CLCN1: variants seen among roughly 807,000 people sequenced by gnomAD.
The protein encoded by CLCN1 is chloride channel protein 1.
CLCN1 carries 100 observed loss-of-function variants against 114.5 expected under a neutral mutation model. That is an observed-to-expected ratio of 0.87 (90% CI 0.74 to 1.03). The LOEUF is 1.03. Ranked by LOEUF, CLCN1 falls within the 50% of genes least tolerant of loss-of-function variation. The pLI is 0.00. For synonymous variants in CLCN1, 485 were observed against 487.1 expected, an observed-to-expected ratio of 1.00 and a Z score of 0.06; for missense variants, 1,188 against 1,250.0, an observed-to-expected ratio of 0.95 and a Z score of 0.75.
chr7:143,337,084 T>C (rs1269099490), intron 12 of CLCN1, among the ~76,000 whole-genome samples: 2 of 152,216 alleles, frequency 1.3e-5, no homozygotes, highest in African/African-American at 2.4e-5. Context: ...TAGCTTCCAG[T>C]GGGGTCTGGT....
intron 10 of CLCN1, among the ~76,000 whole-genome samples, 171 bp downstream of exon 10, chr7:143,331,823 A>C: frequency 6.6e-6 from 1 of 152,074 alleles, no homozygotes; most frequent in East Asian, 1.9e-4. Context: ...TCCCATTTAA[A>C]GATTATTTTT....
chr7:143,337,807 CTTT>C (rs869078445), intron 12 of CLCN1, among the ~76,000 whole-genome samples: 2 of 46,078 alleles, frequency 4.3e-5, no homozygotes, highest in Non-Finnish European at 8.0e-5. Flanking sequence ...TTTCTCAATT[CTTT>C]TTTTTTTTTT....
chr7:143,320,913 G>T, intron 3 of CLCN1, 118 bp downstream of exon 3: 2 of 1,241,628 alleles, frequency 1.6e-6, no homozygotes, highest in South Asian at 2.4e-5. Context: ...CGAATATTGC[G>T]CAGAGAGGGA....
rs761510529 is a variant in CLCN1, at chr7:143,350,554, C to G, written c.2509-14C>G. The G allele has an allele frequency of 9.9e-6, 16 of 1,613,086 alleles. No individual in the cohort carries two copies. In the Admixed American group the frequency reaches 2.5e-4, roughly 25 times the overall value. On this transcript the variant is annotated splice_polypyrimidine_tract_variant and intron_variant, in intron 21 of 22. Coordinates refer to ENST00000343257, the MANE Select transcript of CLCN1 (RefSeq NM_000083.3). This position sits in a 1 kb window ranked among gnomAD's most constrained non-coding sequence, Gnocchi z 5.1. Reference sequence around the variant, plus strand: ...GGCAAGGAACATGCACTGACCTGTGCTCTTCATCCTCAGACTCATACCCTG... The same window carrying G: ...GGCAAGGAACATGCACTGACCTGTGGTCTTCATCCTCAGACTCATACCCTG...
intron 20 of CLCN1, among the ~76,000 whole-genome samples, chr7:143,349,637 A>C (rs780351205): frequency 6.6e-6 from 1 of 152,226 alleles, no homozygotes; most frequent in Non-Finnish European, 1.5e-5. Context: ...ACAAACAAAA[A>C]CTGGCTTTGC....
rs912637135 is a variant in CLCN1 at position 143,324,557 on chromosome 7, T to C, written c.853+65T>C. ...GGCCTGGCTCCCAAAACAGTTTTAA[T>C]CAGTATCCACAAGTGCTGGTATTAC... On this transcript the variant is annotated intron_variant, in intron 7 of 22. Transcript: ENST00000343257. The surrounding 1 kb of genome is among the most constrained non-coding windows in gnomAD (Gnocchi z 4.6). The C allele has an allele frequency of 9.8e-5, 122 of 1,242,112 alleles. No individual in the cohort carries two copies. Among genetic ancestry groups the C allele is most frequent in the Non-Finnish European group, 1.4e-4 (117 of 842,800 alleles). 76.9% of individuals were successfully genotyped at this position (1,242,112 alleles called of 1,614,324 possible). A position where few individuals can be genotyped will look rare whatever the true frequency, so the allele number is the denominator to read the frequency against.
chr7:143,321,393 G>C lies in CLCN1; in HGVS notation c.462G>C (p.Gln154His), dbSNP rs771642243. ...ACAAGTGGTCCTACGCGCAGATGCA[G>C]CCCAGCCTTCCTCTGCAGTTCCTGG... ...QAYKWSYAQMQPSLPLQFLVW... is the reference protein window; with the variant it reads ...QAYKWSYAQMHPSLPLQFLVW... Residue 154 changes from glutamine to histidine, a missense_variant, in exon 4 of 23, where the codon CAG (glutamine) becomes CAC (histidine). By Grantham distance (24) the Gln-to-His change is conservative (BLOSUM62 0). Coordinates refer to ENST00000343257, the MANE Select transcript of CLCN1 (RefSeq NM_000083.3). The surrounding 1 kb of genome is among the most constrained non-coding windows in gnomAD (Gnocchi z 4.2). The C allele has an allele frequency of 3.7e-6, 6 of 1,614,218 alleles. No homozygotes were observed. In the South Asian group the frequency reaches 6.6e-5, roughly 18 times the overall value.
intron 12 of CLCN1, among the ~76,000 whole-genome samples, chr7:143,335,734 A>G (rs1462368173): frequency 2.1e-5 from 3 of 142,764 alleles, no homozygotes; most frequent in Non-Finnish European, 4.5e-5. Context: ...ATCTCGGCTC[A>G]CTGCAAGCTC....
Position 143,330,879 on chromosome 7 carries a change from G to C in CLCN1, c.961G>C (p.Val321Leu). 1 of 1,614,220 alleles carries C rather than the reference G, an allele frequency of 6.2e-7. No individual in the cohort carries two copies. The highest frequency in any genetic ancestry group is 8.5e-7 in the Non-Finnish European group (1 of 1,180,048). ...FSAFVFRVLA[V>L]WNKDAVTITA... ...CGCCTTTGTGTTTCGAGTGCTGGCA[G>C]TGTGGAACAAGGATGCTGGTAACCA... Residue 321 changes from valine to leucine, a missense_variant, in exon 8 of 23, where the codon GTG (valine) becomes CTG (leucine). Transcript: ENST00000343257.
chr7:143,332,488 A>C lies in CLCN1; in HGVS notation c.1236A>C (p.Gln412His). The change falls in exon 11 of 23, where the codon CAA becomes CAC. Residue 412 changes from glutamine (Q) to histidine (H), a missense_variant. Physicochemically the swap from Gln to His is conservative, Grantham distance 24. Transcript: ENST00000343257. ...ASFTFPPGMG[Q>H]FMAGELMPRE... ...TCACCTTCCCACCAGGAATGGGTCAATTCATGGCTGGAGAGGTCAGCTGTT... is the reference window on the plus strand; with the variant it reads ...TCACCTTCCCACCAGGAATGGGTCACTTCATGGCTGGAGAGGTCAGCTGTT... 1 of 1,613,932 alleles carries C rather than the reference A, an allele frequency of 6.2e-7. No homozygotes were observed. The highest frequency in any genetic ancestry group is 8.5e-7 in the Non-Finnish European group (1 of 1,179,780).
Position 143,350,395 on chromosome 7 carries a change from G to A in CLCN1, c.2427G>A (p.Gln809=), listed in dbSNP as rs1470771783. ...PEEIEAWEQE[Q]LSQPVCFDSC... is the part of the protein sequence containing the mutation. Reference sequence around the variant, plus strand: ...AGATTGAGGCCTGGGAGCAGGAGCAGCTGAGCCAGCCTGTCTGTTTTGATT... The same window carrying A: ...AGATTGAGGCCTGGGAGCAGGAGCAACTGAGCCAGCCTGTCTGTTTTGATT... Residue 809 remains glutamine (Q), a synonymous_variant, in exon 21 of 23, where the codon CAG becomes CAA. Transcript: ENST00000343257. The surrounding 1 kb of genome is among the most constrained non-coding windows in gnomAD (Gnocchi z 5.1). The A allele has an allele frequency of 6.2e-7, 1 of 1,614,070 alleles. No homozygotes were observed. Among genetic ancestry groups the A allele is most frequent in the South Asian group, 1.1e-5 (1 of 91,066 alleles).
At position 143,320,902 on chromosome 7, in the gene CLCN1, G is replaced by A. The variant is rs950245352; in HGVS notation, c.433+107G>A. 6 of 1,335,508 alleles carry A rather than the reference G, an allele frequency of 4.5e-6. No individual in the cohort carries two copies. The African/African-American group carries it at 5.8e-5, about 13-fold the overall frequency. The allele number at this position is 1,335,508 out of a possible 1,614,324, so 82.7% of individuals were successfully genotyped here. ...TGTTAAGCAGGGTGTGTTATGGGAAGCGAATATTGCGCAGAGAGGGATCAG... is the reference window on the plus strand; with the variant it reads ...TGTTAAGCAGGGTGTGTTATGGGAAACGAATATTGCGCAGAGAGGGATCAG... On this transcript the variant is annotated intron_variant, in intron 3 of 22. Transcript: ENST00000343257.
rs199928109 is a variant in CLCN1 at position 143,335,656 on chromosome 7, G to GTTTTTTT, written c.1401+2787_1401+2788insTTTTTTT. On this transcript the variant is annotated intron_variant, in intron 12 of 22. Transcript: ENST00000343257. ...GGCAGGTAAGATTCTCAATTCAGCT[G>GTTTTTTT]TTTTGTTTTTTTTTTTTTTTTGATT... 1.4e-3 allele frequency among the ~76,000 whole-genome samples: 149 copies of GTTTTTTT among 107,192 alleles called. 22 individuals are homozygous for GTTTTTTT. The Middle Eastern group carries it at 0.017, about 12-fold the overall frequency. 70.3% of individuals were successfully genotyped at this position (107,192 alleles called of 152,430 possible). A position where few individuals can be genotyped will look rare whatever the true frequency, so the allele number is the denominator to read the frequency against.
chr7:143,348,357 G>T (rs1452686588), intron 20 of CLCN1, among the ~76,000 whole-genome samples: 7 of 152,092 alleles, frequency 4.6e-5, no homozygotes, highest in South Asian at 2.1e-4. Context: ...AATAAGTTTT[G>T]CTTTTTTTCT....
chr7:143,342,117 C>T lies in CLCN1; in HGVS notation c.1771C>T (p.Pro591Ser). The T allele has an allele frequency of 1.9e-6, 3 of 1,614,182 alleles. No homozygotes were observed. Among genetic ancestry groups the T allele is most frequent in the Non-Finnish European group, 2.5e-6 (3 of 1,180,040 alleles). ...IIQVKKLPYLPDLGWNQLSKY... is the reference protein window; with the variant it reads ...IIQVKKLPYLSDLGWNQLSKY... ...CCAGGTCAAGAAGCTACCCTACTTG[C>T]CTGACCTTGGCTGGAACCAGCTCAG... Residue 591 changes from proline (P) to serine (S), a missense_variant, in exon 15 of 23, where the codon CCT becomes TCT. Physicochemically the swap from Pro to Ser is moderately conservative, Grantham distance 74 (BLOSUM62 -1). Transcript: ENST00000343257.
chr7:143,350,740 C>A lies in CLCN1; in HGVS notation c.2595+86C>A. 1 of 957,018 alleles carries A rather than the reference C, an allele frequency of 1.0e-6. No homozygotes were observed. The highest frequency in any genetic ancestry group is 1.7e-6 in the Non-Finnish European group (1 of 594,254). The allele number at this position is 957,018 out of a possible 1,614,324, so 59.3% of individuals were successfully genotyped here. Reference sequence around the variant, plus strand: ...GCAGTGGGGACAGAAGGAATATTAGCATCTCAGAAGTCCCCTCAGATTCCC... The same window carrying A: ...GCAGTGGGGACAGAAGGAATATTAGAATCTCAGAAGTCCCCTCAGATTCCC... On this transcript the variant is annotated intron_variant, in intron 22 of 22. Coordinates refer to ENST00000343257, the MANE Select transcript of CLCN1 (RefSeq NM_000083.3). This position sits in a 1 kb window ranked among gnomAD's most constrained non-coding sequence, Gnocchi z 5.1.
intron 16 of CLCN1, among the ~76,000 whole-genome samples, chr7:143,343,687 C>T (rs1030839782): frequency 1.4e-5 from 2 of 147,636 alleles, no homozygotes; most frequent in Non-Finnish European, 3.0e-5. Context: ...AGAGTTGGAA[C>T]TGTTTTCTTT....
In CLCN1 at chr7:143,351,691, G is replaced by C; in HGVS notation, c.2693G>C (p.Gly898Ala). 6.2e-7 allele frequency: 1 copy of C among 1,614,160 alleles called. No individual in the cohort carries two copies. The change falls in exon 23 of 23, where the codon GGG becomes GCG. Residue 898 changes from glycine (G) to alanine (A), a missense_variant. Physicochemically the swap from Gly to Ala is moderately conservative, Grantham distance 60. Transcript: ENST00000343257. ...ACGACTTCAACTCGAAAGAGTACCG[G>C]GGCACCTCCATCTTCTGCAGAGAAC... ...RNTTSTRKST[G>A]APPSSAENWN...
chr7:143,324,512 C>T lies in CLCN1; in HGVS notation c.853+20C>T. 1 of 1,594,474 alleles carries T rather than the reference C, an allele frequency of 6.3e-7. No homozygotes were observed. Among genetic ancestry groups the T allele is most frequent in the Non-Finnish European group, 8.6e-7 (1 of 1,162,276 alleles). The stretch of plus-strand genomic sequence containing the variant: ...TTGGAGGCAAGTGATTGACCCCCTC[C>T]CCCATCAATCGGCTTGCCTGGCCTG... On this transcript the variant is annotated intron_variant, in intron 7 of 22. Transcript: ENST00000343257. This position sits in a 1 kb window ranked among gnomAD's most constrained non-coding sequence, Gnocchi z 4.6.
Sources: gnomAD v4.1 joint callset for allele counts (sites outside exome capture counted in the v4.1 genomes callset) on GRCh38, gnomAD v4.1.1 for gene constraint, Gnocchi (gnomAD v3.1) non-coding constraint, MANE v1.5 for transcripts, NCBI Gene and HGNC (gene_info 2026-07-23, HGNC 2026-07-21) for gene names.